Variants in SORCS1 observed in about 807,000 individuals in gnomAD.
SORCS1 encodes VPS10 domain-containing receptor SorCS1.
In SORCS1, 60 loss-of-function variants were observed where a neutral mutation model predicts 146.1. That is an observed-to-expected ratio of 0.41 (90% CI 0.33 to 0.51). The LOEUF (loss-of-function observed/expected upper bound fraction) is 0.51. Among genes scored for constraint, SORCS1 ranks in the 20% least tolerant of loss-of-function variants. The probability of loss-of-function intolerance (pLI) is 0.21; values close to 1 mark genes in which losing one functional copy is unlikely to be tolerated. For missense variants in SORCS1, 1,352 were observed against 1,487.6 expected, an observed-to-expected ratio of 0.91 and a Z score of 1.50; for synonymous variants, 637 against 584.0, an observed-to-expected ratio of 1.09 and a Z score of -1.31.
chr10:107,163,828 G>A, intron 1 of SORCS1, 141 bp downstream of exon 1: 1 of 919,920 alleles, frequency 1.1e-6, no homozygotes, highest in Non-Finnish European at 1.6e-6. Context: ...GTTAACTCTT[G>A]GGGGAAGTGG....
intron 3 of SORCS1, among the ~76,000 whole-genome samples, chr10:106,818,456 C>T (rs1288301210): frequency 6.6e-6 from 1 of 151,542 alleles, no homozygotes; most frequent in Non-Finnish European, 1.5e-5. Context: ...AACTCCACCT[C>T]CCAGGTTCAA....
At chr10:106,861,602 C>T (rs1564746335) in intron 2 of SORCS1, among the ~76,000 whole-genome samples, 1 of 151,820 alleles carries the variant, frequency 6.6e-6, no homozygotes, top group Non-Finnish European at 1.5e-5. Flanking sequence ...GTTCAAATAC[C>T]CTCAATTGGC....
chr10:106,632,253 G>C (rs1468779277), intron 18 of SORCS1, among the ~76,000 whole-genome samples: 1 of 152,198 alleles, frequency 6.6e-6, no homozygotes, highest in African/African-American at 2.4e-5. Context: ...AGAATGTCAA[G>C]GGGCCATGTA....
chr10:107,107,142 A>G (rs953510851), intron 1 of SORCS1, among the ~76,000 whole-genome samples: 2 of 152,224 alleles, frequency 1.3e-5, no homozygotes, highest in African/African-American at 2.4e-5. Flanking sequence ...AAACTGGGCA[A>G]TGGGTAGAGG....
chr10:107,086,866 A>G lies in SORCS1; in HGVS notation c.558+77103T>C, dbSNP rs941442857. Reference sequence around the variant, plus strand: ...AACACGGTGAAACCTCGTCTCTAGTAAAAATACAAACAATTAGCCGGGAAT... The same window carrying G: ...AACACGGTGAAACCTCGTCTCTAGTGAAAATACAAACAATTAGCCGGGAAT... On this transcript the variant is annotated intron_variant, in intron 1 of 25. Coordinates refer to ENST00000263054, the MANE Select transcript of SORCS1 (RefSeq NM_052918.5). Among the ~76,000 whole-genome samples, 6 of 152,328 alleles carry G rather than the reference A, an allele frequency of 3.9e-5. No homozygotes were observed. The South Asian group carries it at 1.2e-3, about 32-fold the overall frequency.
At chr10:106,924,154 T>TACTTGTTCAA (rs1952863254) in intron 2 of SORCS1, among the ~76,000 whole-genome samples, 1 of 151,300 alleles carries the variant, frequency 6.6e-6, no homozygotes, top group Non-Finnish European at 1.5e-5. Flanking sequence ...CTTGAGAGGC[T>TACTTGTTCAA]GAGACAGGAT....
At position 106,657,703 on chromosome 10, in the gene SORCS1, AAAAT is replaced by A. The variant is rs541978639; in HGVS notation, c.2304-5154_2304-5151del. Among the ~76,000 whole-genome samples the A allele has an allele frequency of 1.7e-3, 254 of 151,222 alleles. 1 individual carries two copies. The highest frequency in any genetic ancestry group is 4.8e-3 in the South Asian group (23 of 4,792). ...TGTGTGTGTGTGTATTTTTTTCAAG[AAAAT>A]AAATAAACACTACTGACCTGAAGGT... On this transcript the variant is annotated intron_variant, in intron 17 of 25. Transcript: ENST00000263054.
At position 106,821,588 on chromosome 10, in the gene SORCS1, A is replaced by C. The variant is rs369568884; in HGVS notation, c.726+7986T>G. Among the ~76,000 whole-genome samples the C allele has an allele frequency of 9.6e-4, 146 of 152,330 alleles. 5 individuals are homozygous for C. In the South Asian group the frequency reaches 0.028, roughly 30 times the overall value. The stretch of plus-strand genomic sequence containing the variant: ...AACACTTACAAATGAAGAATAACAA[A>C]TATGTTAATTAAGCAGGAAGCTTCT... On this transcript the variant is annotated intron_variant, in intron 3 of 25. Transcript: ENST00000263054.
chr10:106,956,071 G>T (rs903428065), intron 2 of SORCS1, among the ~76,000 whole-genome samples: 4 of 151,686 alleles, frequency 2.6e-5, no homozygotes, highest in African/African-American at 4.9e-5. Flanking sequence ...CAGAGGTTGC[G>T]CTGAGCCGAG....
At chr10:106,841,032 T>G (rs1013534958) in intron 2 of SORCS1, among the ~76,000 whole-genome samples, 17 of 151,820 alleles carry the variant, frequency 1.1e-4, no homozygotes, top group Non-Finnish European at 2.5e-4. Flanking sequence ...ATTTTTTGCA[T>G]TTTAATAGAG....
intron 3 of SORCS1, among the ~76,000 whole-genome samples, chr10:106,808,374 G>C (rs1047334373): frequency 1.3e-5 from 2 of 152,146 alleles, no homozygotes; most frequent in African/African-American, 4.8e-5. Context: ...CTTTGTGTTT[G>C]TGACCTCCTG....
rs184642628 is a variant in SORCS1, at chr10:106,820,462, A to G, written c.726+9112T>C. Among the ~76,000 whole-genome samples the G allele has an allele frequency of 1.1e-3, 162 of 152,338 alleles. 1 individual carries two copies. The highest frequency in any genetic ancestry group is 1.8e-3 in the Non-Finnish European group (121 of 68,024). ...GGAACAAAGGGACAAAACCATCAAA[A>G]GAAGATCTGGTCAAGGGAAAGGTCA... On this transcript the variant is annotated intron_variant, in intron 3 of 25. Coordinates refer to ENST00000263054, the MANE Select transcript of SORCS1 (RefSeq NM_052918.5).
intron 2 of SORCS1, among the ~76,000 whole-genome samples, chr10:106,910,912 T>C (rs1234334966): frequency 6.6e-6 from 1 of 152,230 alleles, no homozygotes; most frequent in East Asian, 1.9e-4. Context: ...TAAGTAGCAA[T>C]AACTAACATT....
chr10:106,633,799 A>T (rs1420880195), intron 18 of SORCS1, among the ~76,000 whole-genome samples: 3 of 152,020 alleles, frequency 2.0e-5, no homozygotes, highest in African/African-American at 7.2e-5. Flanking sequence ...CTTTTTTAGG[A>T]GTTTTATTTC....
intron 1 of SORCS1, among the ~76,000 whole-genome samples, chr10:107,152,101 G>A (rs764529044): frequency 6.6e-5 from 10 of 152,164 alleles, no homozygotes; most frequent in Non-Finnish European, 1.3e-4. Context: ...GCTAAAAGAG[G>A]CCAATGTACA....
At chr10:107,135,032 A>G (rs2134665704) in intron 1 of SORCS1, among the ~76,000 whole-genome samples, 1 of 152,350 alleles carries the variant, frequency 6.6e-6, no homozygotes, top group African/African-American at 2.4e-5. Context: ...GTCTGAACAC[A>G]GGGCCTAACA....
intron 2 of SORCS1, among the ~76,000 whole-genome samples, chr10:106,840,044 T>C (rs1281003847): frequency 1.3e-5 from 2 of 152,228 alleles, no homozygotes; most frequent in African/African-American, 4.8e-5. Context: ...GTTGTTTTCA[T>C]GCCTGCTAAC....
chr10:106,877,985 G>A (rs1218428098), intron 2 of SORCS1, among the ~76,000 whole-genome samples: 2 of 152,070 alleles, frequency 1.3e-5, no homozygotes, highest in Non-Finnish European at 2.9e-5. Context: ...ATCTCTACCC[G>A]ATACTATCTC....
intron 13 of SORCS1, among the ~76,000 whole-genome samples, chr10:106,675,426 G>A (rs1363240313): frequency 1.3e-5 from 2 of 152,088 alleles, no homozygotes; most frequent in South Asian, 2.1e-4. Flanking sequence ...TAAAATTGTT[G>A]AAAGTTTGGA....
Sources: allele counts gnomAD v4.1 joint callset (sites outside exome capture counted in the v4.1 genomes callset), GRCh38; gene constraint gnomAD v4.1.1; transcripts MANE v1.5; gene names NCBI Gene and HGNC (gene_info 2026-07-23, HGNC 2026-07-21).